COL11A1: variants seen among roughly 807,000 people sequenced by gnomAD.
The protein encoded by COL11A1 is collagen type XI alpha 1 chain.
Under a neutral mutation model 265.2 loss-of-function variants are expected in COL11A1, and 74 were observed. The ratio of observed to expected loss-of-function variants is 0.28; its 90% CI spans 0.23 to 0.34. The LOEUF is 0.34. Among genes scored for constraint, COL11A1 ranks in the 10% least tolerant of loss-of-function variants. COL11A1 has a pLI of 1.00. For synonymous variants in COL11A1, 816 were observed against 727.6 expected, an observed-to-expected ratio of 1.12 and a Z score of -1.96; for missense variants, 2,165 against 2,263.6, an observed-to-expected ratio of 0.96 and a Z score of 0.88.
At chr1:102,967,966 C>G (rs563511513) in intron 37 of COL11A1, among the ~76,000 whole-genome samples, 1 of 152,254 alleles carries the variant, frequency 6.6e-6, no homozygotes, top group East Asian at 1.9e-4. Context: ...GAAGTCTTGG[C>G]TGCTAGCCCA....
intron 1 of COL11A1, among the ~76,000 whole-genome samples, chr1:103,088,763 G>A (rs973683365): frequency 6.6e-6 from 1 of 152,270 alleles, no homozygotes; most frequent in African/African-American, 2.4e-5. Context: ...GAAAGAAACA[G>A]CAGATATGGT....
At chr1:102,951,312 TAACA>T (rs531407432) in intron 41 of COL11A1, among the ~76,000 whole-genome samples, 156 of 152,332 alleles carry the variant, frequency 1.0e-3, no homozygotes, top group Admixed American at 3.1e-3. Context: ...TAATTCATAT[TAACA>T]AACAATAATA....
intron 2 of COL11A1, among the ~76,000 whole-genome samples, chr1:103,081,404 C>T (rs1018747836): frequency 1.4e-4 from 21 of 151,824 alleles, no homozygotes; most frequent in Admixed American, 1.3e-4. Context: ...ATAGAAAAAG[C>T]AGCTTACCTT....
At chr1:103,038,190 T>C (rs963935866) in intron 4 of COL11A1, among the ~76,000 whole-genome samples, 3 of 152,080 alleles carry the variant, frequency 2.0e-5, no homozygotes, top group Admixed American at 6.6e-5. Flanking sequence ...AGGTCAGGTG[T>C]AGTGGCTCAC....
chr1:102,939,195 G>A, intron 43 of COL11A1, 107 bp from the exon 44 acceptor site: 7 of 985,882 alleles, frequency 7.1e-6, no homozygotes, highest in Middle Eastern at 2.1e-4. Flanking sequence ...ACATGCTAGT[G>A]TGTAATGTCA....
intron 57 of COL11A1, among the ~76,000 whole-genome samples, chr1:102,896,602 A>G (rs997635813): frequency 2.0e-5 from 3 of 152,178 alleles, no homozygotes; most frequent in Admixed American, 2.0e-4. Context: ...CCCACTTCTG[A>G]TGTTTATCAT....
chr1:102,916,246 T>C (rs1046190295), intron 49 of COL11A1, among the ~76,000 whole-genome samples: 1 of 152,172 alleles, frequency 6.6e-6, no homozygotes, highest in Admixed American at 6.5e-5. Flanking sequence ...AGTATACACA[T>C]AAATGTGATA....
rs762091325 is a variant in COL11A1 at position 102,934,472 on chromosome 1, G to T, written c.3577C>A (p.Pro1193Thr). The change falls in exon 46 of 67, where the codon CCT (proline) becomes ACT (threonine). Residue 1193 changes from proline to threonine, a missense_variant. Coordinates refer to ENST00000370096, the MANE Select transcript of COL11A1 (RefSeq NM_001854.4). ...ACCTGAAGACCTATTGGACCAGGAG[G>T]TCCAGGGAAGCCTCTGGCACCCTCA... ...GDEGARGFPG[P>T]PGPIGLQGLP... 4.3e-6 allele frequency: 7 copies of T among 1,613,652 alleles called. No individual in the cohort carries two copies. The highest frequency in any genetic ancestry group is 5.1e-6 in the Non-Finnish European group (6 of 1,179,666).
chr1:103,052,650 G>A (rs1423401909), intron 4 of COL11A1, among the ~76,000 whole-genome samples: 4 of 152,088 alleles, frequency 2.6e-5, no homozygotes, highest in Admixed American at 2.0e-4. Context: ...ATCAACTTAA[G>A]TGAACACCTA....
At chr1:103,075,379 G>C (rs578113095) in intron 3 of COL11A1, among the ~76,000 whole-genome samples, 22 of 152,076 alleles carry the variant, frequency 1.4e-4, no homozygotes, top group Non-Finnish European at 2.1e-4. Context: ...GATCACTACT[G>C]TAGGCAGGAT....
intron 24 of COL11A1, among the ~76,000 whole-genome samples, chr1:103,000,769 G>A (rs1000081675): frequency 1.3e-5 from 2 of 151,932 alleles, no homozygotes; most frequent in African/African-American, 2.4e-5. Context: ...CAAAAAGAAT[G>A]AAAACACATC....
chr1:102,926,991 A>G (rs763628990), intron 46 of COL11A1, among the ~76,000 whole-genome samples: 1 of 152,194 alleles, frequency 6.6e-6, no homozygotes, highest in Non-Finnish European at 1.5e-5. Context: ...CCTTAAAATG[A>G]GATAAATAAA....
chr1:103,018,036 A>C (rs547657709), intron 10 of COL11A1, among the ~76,000 whole-genome samples, 154 bp from the exon 11 acceptor site: 4 of 152,090 alleles, frequency 2.6e-5, no homozygotes, highest in Non-Finnish European at 5.9e-5. Context: ...TGAAAAGACA[A>C]CATATAGAAA....
At chr1:103,061,163 G>A (rs929045668) in intron 4 of COL11A1, among the ~76,000 whole-genome samples, 1 of 152,102 alleles carries the variant, frequency 6.6e-6, no homozygotes, top group African/African-American at 2.4e-5. Flanking sequence ...GAGATAAAGT[G>A]AGGCATTACA....
intron 63 of COL11A1, among the ~76,000 whole-genome samples, chr1:102,885,671 G>C (rs924061379): frequency 3.3e-5 from 5 of 152,028 alleles, no homozygotes; most frequent in Non-Finnish European, 7.4e-5. Flanking sequence ...TTACCAAGTA[G>C]AGATAACCAC....
rs1026828686 is a variant in COL11A1, at chr1:102,954,230, C to T, written c.3169-7274G>A. ...CCCCTAAATCCTGCTGCACCTTCAT[C>T]TAAAACTTACAATGATAATGAAACA... On this transcript the variant is annotated intron_variant, in intron 41 of 66. Coordinates refer to ENST00000370096, the MANE Select transcript of COL11A1 (RefSeq NM_001854.4). Among the ~76,000 whole-genome samples, 8 of 152,280 alleles carry T rather than the reference C, an allele frequency of 5.3e-5. No homozygotes were observed. The Middle Eastern group carries it at 0.01, about 194-fold the overall frequency.
Position 102,961,714 on chromosome 1 carries a change from A to G in COL11A1, c.3168+152T>C, listed in dbSNP as rs915240738. The G allele has an allele frequency of 5.8e-6, 4 of 690,628 alleles. No individual in the cohort carries two copies. In the African/African-American group the frequency reaches 7.1e-5, roughly 12 times the overall value. The allele number at this position is 690,628 out of a possible 1,614,324, so 42.8% of individuals were successfully genotyped here. A position where few individuals can be genotyped will look rare whatever the true frequency, so the allele number is the denominator to read the frequency against. The stretch of plus-strand genomic sequence containing the variant: ...CTTCTGTTTCTGCATTCATTAGTGC[A>G]TGCAATTAGTGGGAACTAGGCATTG... On this transcript the variant is annotated intron_variant, in intron 41 of 66. Coordinates refer to ENST00000370096, the MANE Select transcript of COL11A1 (RefSeq NM_001854.4).
At chr1:102,924,218 C>A (rs1656320507) in intron 46 of COL11A1, among the ~76,000 whole-genome samples, 6 of 152,146 alleles carry the variant, frequency 3.9e-5, no homozygotes, top group Admixed American at 3.9e-4. Flanking sequence ...AAGACTCCGT[C>A]TCCAAAAGAC....
At chr1:103,068,775 T>C (rs1481516042) in intron 4 of COL11A1, among the ~76,000 whole-genome samples, 1 of 151,302 alleles carries the variant, frequency 6.6e-6, no homozygotes, top group African/African-American at 2.4e-5. Flanking sequence ...GTGTTTTCTA[T>C]ATTAGGAAGA....
Sources: gnomAD v4.1 joint callset for allele counts (sites outside exome capture counted in the v4.1 genomes callset) on GRCh38, gnomAD v4.1.1 for gene constraint, MANE v1.5 for transcripts, NCBI Gene and HGNC (gene_info 2026-07-23, HGNC 2026-07-21) for gene names.